ANKRD28: variants seen among roughly 807,000 people sequenced by gnomAD.
ANKRD28 encodes ankyrin repeat domain 28, also known as serine/threonine-protein phosphatase 6 regulatory ankyrin repeat subunit A.
A neutral mutation model predicts 126.5 loss-of-function variants in ANKRD28; 44 were observed. That is an observed-to-expected ratio of 0.35 (90% CI 0.27 to 0.45). The LOEUF (loss-of-function observed/expected upper bound fraction) is 0.45. Among genes scored for constraint, ANKRD28 ranks in the 20% least tolerant of loss-of-function variants. The probability of loss-of-function intolerance (pLI) is 1.00; values close to 1 mark genes in which losing one functional copy is unlikely to be tolerated. For synonymous variants in ANKRD28, 442 were observed against 468.5 expected (o/e 0.94, Z 0.73); for missense variants, 1,110 against 1,316.6 (o/e 0.84, Z 2.43).
chr3:15,850,224 T>TATAGAGAGAG lies in ANKRD28; in HGVS notation c.27+9152_27+9153insCTCTCTCTAT, dbSNP rs1418223588. ...AAAAAAATATATATATATATATATA[T>TATAGAGAGAG]AGAGAGAGAGAGAGAGAGAGAGAGA... On this transcript the variant is annotated intron_variant, in intron 1 of 27. Transcript: ENST00000399451. Among the ~76,000 whole-genome samples, 139 of 35,092 alleles carry TATAGAGAGAG rather than the reference T, an allele frequency of 4.0e-3. 1 individual carries two copies. The highest frequency in any genetic ancestry group is 7.3e-3 in the Admixed American group (15 of 2,066). The allele number at this position is 35,092 out of a possible 152,430, so 23.0% of individuals were successfully genotyped here. A position where few individuals can be genotyped will look rare whatever the true frequency, so the allele number is the denominator to read the frequency against.
At chr3:15,709,941 G>A (rs546671460) in intron 12 of ANKRD28, among the ~76,000 whole-genome samples, 11 of 152,148 alleles carry the variant, frequency 7.2e-5, no homozygotes, top group African/African-American at 2.2e-4. Context: ...GCACACTGAG[G>A]AAATAACACA....
upstream of ANKRD28, chr3:15,859,783 C>T (rs1299036318): frequency 3.3e-5 from 5 of 152,432 alleles, no homozygotes; most frequent in African/African-American, 1.2e-4. Context: ...CCGTTCCAGC[C>T]CGCGGCAGCG....
At position 15,731,909 on chromosome 3, in the gene ANKRD28, A is replaced by AAGGATGTT. The variant is rs530780930; in HGVS notation, c.640+3493_640+3500dup. ...GGTGTGTGGGGAGGGGACATTTGAA[A>AAGGATGTT]AGGATGTTACATTTTTTTTTTAATC... On this transcript the variant is annotated intron_variant, in intron 6 of 27. Transcript: ENST00000683139. The AAGGATGTT allele has an allele frequency of 7.8e-4, 117 of 149,256 alleles. 1 individual carries two copies. Among genetic ancestry groups the AAGGATGTT allele is most frequent in the African/African-American group, 2.8e-3 (112 of 40,102 alleles). 9.2% of individuals were successfully genotyped at this position (149,256 alleles called of 1,614,324 possible).
rs1386063780 is a variant in ANKRD28, at chr3:15,845,498, C to T, written c.27+13879G>A. Among the ~76,000 whole-genome samples the T allele has an allele frequency of 6.6e-6, 1 of 152,154 alleles. No individual in the cohort carries two copies. Among genetic ancestry groups the T allele is most frequent in the Non-Finnish European group, 1.5e-5 (1 of 68,020 alleles). ...AATCATTCAGGCACTTACAGACATG[C>T]TAGTTTCTAACTACCTGCCTATGCC... On this transcript the variant is annotated intron_variant, in intron 1 of 27. Transcript: ENST00000399451. This position sits in a 1 kb window ranked among gnomAD's most constrained non-coding sequence, Gnocchi z 4.9.
chr3:15,796,647 T>TTG lies in ANKRD28; in HGVS notation c.-127_-126insCA, dbSNP rs2060289931. On this transcript the variant is annotated 5_prime_UTR_variant, in exon 1 of 28. Coordinates refer to ENST00000683139, the MANE Select transcript of ANKRD28 (RefSeq NM_001349278.2). ...TTCTCTGAACAGCACAGCTGGGTTT[T>TTG]TTTTTTTTTTAAAGTTAATAAGTAC... 1.0e-6 allele frequency: 1 copy of TTG among 998,746 alleles called. No individual in the cohort carries two copies. Among genetic ancestry groups the TTG allele is most frequent in the Admixed American group, 5.9e-5 (1 of 17,030 alleles). 61.9% of individuals were successfully genotyped at this position (998,746 alleles called of 1,614,324 possible).
intron 14 of ANKRD28, among the ~76,000 whole-genome samples, chr3:15,696,602 T>C (rs918595121): frequency 5.9e-5 from 9 of 152,080 alleles, no homozygotes; most frequent in Non-Finnish European, 1.2e-4. Context: ...GAGTACATAA[T>C]ATTGGCAATA....
intron 1 of ANKRD28, among the ~76,000 whole-genome samples, chr3:15,842,313 G>C (rs903679834): frequency 2.0e-5 from 3 of 151,870 alleles, no homozygotes; most frequent in African/African-American, 7.3e-5. Flanking sequence ...AAAAGACAAA[G>C]TTTGCATGTT....
intron 2 of ANKRD28, among the ~76,000 whole-genome samples, chr3:15,772,926 C>A (rs1490174521): frequency 1.3e-5 from 2 of 152,118 alleles, no homozygotes; most frequent in Non-Finnish European, 2.9e-5. Flanking sequence ...CAACAAAAAT[C>A]TACAGCTGAC....
In ANKRD28 at chr3:15,721,131, T is replaced by A. The variant is rs1197882216; in HGVS notation, c.784-4A>T. The stretch of plus-strand genomic sequence containing the variant: ...CATAGGCATTTGGTTCATTCATCTA[T>A]TAGAAGGGAAAAAAATGCGAATGTT... On this transcript the variant is annotated splice_region_variant and splice_polypyrimidine_tract_variant and intron_variant, in intron 7 of 27. Transcript: ENST00000683139. 6.2e-7 allele frequency: 1 copy of A among 1,600,302 alleles called. No individual in the cohort carries two copies. The highest frequency in any genetic ancestry group is 1.1e-5 in the South Asian group (1 of 88,154).
At chr3:15,859,477 GCTC>G in exon 1 of ANKRD28, 1 of 1,361,988 alleles carries the variant, frequency 7.3e-7, no homozygotes, top group Non-Finnish European at 9.9e-7. Flanking sequence ...CCGGCCCACT[GCTC>G]CCGCCCCAGT....
chr3:15,693,345 G>T (rs970015404), intron 17 of ANKRD28, among the ~76,000 whole-genome samples: 2 of 151,986 alleles, frequency 1.3e-5, no homozygotes, highest in African/African-American at 4.8e-5. Flanking sequence ...GAGAGAGAGA[G>T]AGAGACCGAC....
At chr3:15,850,262 G>T (rs1256208195) in intron 1 of ANKRD28, among the ~76,000 whole-genome samples, 23 of 135,080 alleles carry the variant, frequency 1.7e-4, no homozygotes, top group African/African-American at 6.5e-4. Context: ...GAGAGAGAGA[G>T]AAAGTTGAAA....
chr3:15,805,463 T>C (rs1391370661), intron 1 of ANKRD28, among the ~76,000 whole-genome samples: 1 of 152,196 alleles, frequency 6.6e-6, no homozygotes, highest in African/African-American at 2.4e-5. Flanking sequence ...AGCTAAGATA[T>C]GTGATGAGTA....
chr3:15,850,224 T>TATATAG (rs1418223588), intron 1 of ANKRD28, among the ~76,000 whole-genome samples: 73 of 35,106 alleles, frequency 2.1e-3, no homozygotes, highest in African/African-American at 4.5e-3. Flanking sequence ...TATATATATA[T>TATATAG]AGAGAGAGAG....
rs1402563394 is a variant in ANKRD28 at position 15,812,015 on chromosome 3, T to A, written c.28-16709A>T. On this transcript the variant is annotated intron_variant, in intron 1 of 27. Coordinates refer to the ANKRD28 transcript ENST00000399451. The surrounding 1 kb of genome is among the most constrained non-coding windows in gnomAD (Gnocchi z 4.1). ...TAAAAATAGAAAAATTAGCCAGGCG[T>A]GGTGGTACGCACCTGTAGTCCCAGC... Among the ~76,000 whole-genome samples, 1 of 151,890 alleles carries A rather than the reference T, an allele frequency of 6.6e-6. No homozygotes were observed. The highest frequency in any genetic ancestry group is 1.5e-5 in the Non-Finnish European group (1 of 67,946).
rs2066769680 is a variant in ANKRD28 at position 15,674,850 on chromosome 3, A to G, written c.2965+1048T>C. ...GATCAGTTGTGCCAAAAGCTGATCT[A>G]TCAAGTAAAATGAGAGCTAAGTAGT... is the stretch of plus-strand genomic sequence containing the variant. On this transcript the variant is annotated intron_variant, in intron 27 of 27. Coordinates refer to ENST00000683139, the MANE Select transcript of ANKRD28 (RefSeq NM_001349278.2). 3.9e-5 allele frequency among the ~76,000 whole-genome samples: 6 copies of G among 152,374 alleles called. No homozygotes were observed. In the South Asian group the frequency reaches 1.2e-3, roughly 32 times the overall value.
In ANKRD28 at chr3:15,714,590, T is replaced by C. The variant is rs759899806; in HGVS notation, c.1063A>G (p.Ile355Val). The change falls in exon 9 of 28, where the codon ATT (isoleucine) becomes GTT (valine). Residue 355 changes from isoleucine (I) to valine (V), a missense_variant. Coordinates refer to ENST00000683139, the MANE Select transcript of ANKRD28 (RefSeq NM_001349278.2). Reference protein sequence around the residue: ...LHGRFSRSQTIIQSGAVIDCE... With the variant: ...LHGRFSRSQTVIQSGAVIDCE... ...AAATACTTTTTACCACTCTGGATAA[T>C]GGTTTGTGATCGGGAGAATCTACCG... 2.1e-5 allele frequency: 34 copies of C among 1,584,640 alleles called. No individual in the cohort carries two copies. In the South Asian group the frequency reaches 3.4e-4, roughly 16 times the overall value.
At chr3:15,752,496 T>A (rs2057919222) in intron 3 of ANKRD28, among the ~76,000 whole-genome samples, 1 of 152,090 alleles carries the variant, frequency 6.6e-6, no homozygotes, top group Admixed American at 6.6e-5. Context: ...GACAAAAAAA[T>A]TTACATTATT....
Position 15,816,186 on chromosome 3 carries a change from T to C in ANKRD28, c.28-20880A>G, listed in dbSNP as rs113337689. On this transcript the variant is annotated intron_variant, in intron 1 of 27. Transcript: ENST00000399451. The surrounding 1 kb of genome is among the most constrained non-coding windows in gnomAD (Gnocchi z 5.0). ...CAACATGTAATTGCAATGATTTTCA[T>C]TGTATTAACTAAAATTTACATATCT... Among the ~76,000 whole-genome samples, 11 of 152,326 alleles carry C rather than the reference T, an allele frequency of 7.2e-5. No homozygotes were observed. The highest frequency in any genetic ancestry group is 3.9e-4 in the East Asian group (2 of 5,190).
Sources: allele counts gnomAD v4.1 joint callset (sites outside exome capture counted in the v4.1 genomes callset), GRCh38; gene constraint gnomAD v4.1.1; non-coding constraint Gnocchi (gnomAD v3.1); transcripts MANE v1.5; gene names NCBI Gene and HGNC (gene_info 2026-07-23, HGNC 2026-07-21).